The following RAB40C variants were observed in gnomAD, a reference collection of about 807,000 sequenced individuals.
RAB40C encodes RAB40C, member RAS oncogene family, also known as ras-related protein Rab-40C.
A neutral mutation model predicts 28.1 loss-of-function variants in RAB40C; 8 were observed. That is an observed-to-expected ratio of 0.28 (90% CI 0.17 to 0.51). RAB40C has a LOEUF of 0.51. RAB40C is among the 20% of genes least tolerant of loss of function. The pLI, the probability that RAB40C is intolerant of heterozygous loss-of-function variation, is 0.97. For synonymous variants in RAB40C, 201 were observed against 171.7 expected (o/e 1.17, Z -1.34); for missense variants, 288 against 405.9 (o/e 0.71, Z 2.50).
chr16:600,877 C>T (rs1198213059), intron 1 of RAB40C, among the ~76,000 whole-genome samples: 1 of 152,218 alleles, frequency 6.6e-6, no homozygotes, highest in Non-Finnish European at 1.5e-5. Flanking sequence ...GTTTTGACTC[C>T]AGTCTCTGTC....
At chr16:596,813 T>C (rs1312292922) in intron 1 of RAB40C, among the ~76,000 whole-genome samples, 1 of 151,876 alleles carries the variant, frequency 6.6e-6, no homozygotes. Flanking sequence ...CTCTTGGCAG[T>C]GAAGGTAAAC....
At chr16:608,413 A>G (rs1405058132) in intron 1 of RAB40C, among the ~76,000 whole-genome samples, 1 of 152,112 alleles carries the variant, frequency 6.6e-6, no homozygotes, top group Admixed American at 6.5e-5. Flanking sequence ...CTTAGCTCCC[A>G]CCTCGTCCTC....
In RAB40C at chr16:617,252, G is replaced by A. The variant is rs754957777; in HGVS notation, c.187G>A (p.Val63Met). ...CACCATCCTGCTGGACGGCCGGCGC[G>A]TGAAGCTGGAGCTCTGGTGAGTTGG... is the stretch of plus-strand genomic sequence containing the variant. ...TTTILLDGRR[V>M]KLELWDTSGQ... Residue 63 changes from valine to methionine, a missense_variant, in exon 2 of 6, where the codon GTG (valine) becomes ATG (methionine). Val to Met is a conservative substitution (Grantham distance 21). Coordinates refer to ENST00000248139, the MANE Select transcript of RAB40C (RefSeq NM_021168.5). The A allele has an allele frequency of 7.4e-6, 12 of 1,614,036 alleles. No individual in the cohort carries two copies. Among genetic ancestry groups the A allele is most frequent in the Non-Finnish European group, 1.0e-5 (12 of 1,180,016 alleles).
chr16:601,815 TAAAAAAAAAAAAA>T (rs60094426), intron 1 of RAB40C, among the ~76,000 whole-genome samples: 18 of 27,200 alleles, frequency 6.6e-4, no homozygotes, highest in South Asian at 5.0e-3. Flanking sequence ...CAAAAAAAAG[TAAAAAAAAAAAAA>T]AAAAAAAAAA....
At chr16:620,969 T>C (rs1440603494) in intron 3 of RAB40C, among the ~76,000 whole-genome samples, 3 of 152,276 alleles carry the variant, frequency 2.0e-5, no homozygotes, top group Non-Finnish European at 4.4e-5. Context: ...GCTCTGCATT[T>C]GCCAGGCTGA....
intron 5 of RAB40C, 45 bp from the exon 6 acceptor site, chr16:627,297 T>G: frequency 3.2e-6 from 5 of 1,571,516 alleles, no homozygotes; most frequent in Non-Finnish European, 4.3e-6. Context: ...GCACAGGGCC[T>G]CCTCCCCCAC....
Position 629,205 on chromosome 16 carries a change from A to G in RAB40C, c.*1583A>G, listed in dbSNP as rs2036906111. The G allele has an allele frequency of 4.0e-6, 1 of 251,374 alleles. No homozygotes were observed. Among genetic ancestry groups the G allele is most frequent in the Admixed American group, 4.6e-5 (1 of 21,514 alleles). The allele number at this position is 251,374 out of a possible 1,614,324, so 15.6% of individuals were successfully genotyped here. ...AACACTACCCGCGCTGCTGTTAGAC[A>G]CTCCGCCATTCCTGGTTCTCTCCGA... On this transcript the variant is annotated 3_prime_UTR_variant, in exon 6 of 6. Coordinates refer to ENST00000248139, the MANE Select transcript of RAB40C (RefSeq NM_021168.5).
intron 1 of RAB40C, among the ~76,000 whole-genome samples, chr16:597,300 T>C (rs1351009111): frequency 1.3e-5 from 2 of 151,416 alleles, no homozygotes; most frequent in Non-Finnish European, 2.9e-5. Context: ...GATGGCAGAG[T>C]GGAAACAGAA....
chr16:626,361 C>T (rs543756738), intron 5 of RAB40C, among the ~76,000 whole-genome samples: 35 of 152,048 alleles, frequency 2.3e-4, no homozygotes, highest in African/African-American at 8.2e-4. Context: ...CCGCCGTGGC[C>T]GCTGCACTCT....
intron 1 of RAB40C, among the ~76,000 whole-genome samples, chr16:592,679 C>T (rs1048718954): frequency 3.9e-5 from 6 of 152,208 alleles, no homozygotes; most frequent in Non-Finnish European, 7.3e-5. Context: ...AGGAGGCTGG[C>T]GGCGTGCGTG....
chr16:625,824 G>A, intron 4 of RAB40C, 75 bp from the exon 5 acceptor site: 2 of 1,376,428 alleles, frequency 1.5e-6, no homozygotes, highest in Non-Finnish European at 2.0e-6. Flanking sequence ...TCCAGACAAT[G>A]AGGGCGGGCC....
intron 3 of RAB40C, among the ~76,000 whole-genome samples, chr16:622,874 C>T (rs941705276): frequency 3.3e-5 from 5 of 152,206 alleles, no homozygotes; most frequent in African/African-American, 4.8e-5. Flanking sequence ...CTGTTTGTCC[C>T]GTGCTCTGCC....
intron 1 of RAB40C, among the ~76,000 whole-genome samples, chr16:615,709 C>G (rs1045088982): frequency 6.6e-6 from 1 of 152,190 alleles, no homozygotes; most frequent in East Asian, 1.9e-4. Context: ...CACCTGTAAT[C>G]CCAGCACTTT....
At chr16:604,472 C>T (rs934591800) in intron 1 of RAB40C, among the ~76,000 whole-genome samples, 1 of 150,676 alleles carries the variant, frequency 6.6e-6, no homozygotes, top group Non-Finnish European at 1.5e-5. Context: ...GAAGGTGTTT[C>T]TCTAGAATAC....
chr16:613,565 G>C (rs2036527036), intron 1 of RAB40C, among the ~76,000 whole-genome samples: 1 of 152,240 alleles, frequency 6.6e-6, no homozygotes, highest in Admixed American at 6.5e-5. Context: ...TGGTGGCTTG[G>C]ATGGGTTTCT....
In RAB40C at chr16:629,260, G is replaced by T; in HGVS notation, c.*1638G>T. On this transcript the variant is annotated 3_prime_UTR_variant, in exon 6 of 6. Coordinates refer to ENST00000248139, the MANE Select transcript of RAB40C (RefSeq NM_021168.5). ...TTCTTTGTACAGTAAATGTAATTCA[G>T]CTGTGGTCCCCACGTTTTGCTGTGT... 3.2e-6 allele frequency: 1 copy of T among 308,454 alleles called. No homozygotes were observed. 19.1% of individuals were successfully genotyped at this position (308,454 alleles called of 1,614,324 possible). A position where few individuals can be genotyped will look rare whatever the true frequency, so the allele number is the denominator to read the frequency against.
At chr16:606,691 C>G (rs1204746869) in intron 1 of RAB40C, among the ~76,000 whole-genome samples, 1 of 152,240 alleles carries the variant, frequency 6.6e-6, no homozygotes, top group Non-Finnish European at 1.5e-5. Context: ...CCTTTCCCGG[C>G]TTCTCCAGGC....
intron 3 of RAB40C, among the ~76,000 whole-genome samples, chr16:618,720 G>A (rs987654407): frequency 6.6e-6 from 1 of 151,042 alleles, no homozygotes; most frequent in African/African-American, 2.5e-5. Context: ...TCAGGGCCAT[G>A]TGTGTGCAGG....
chr16:592,556 G>A (rs981003030), intron 1 of RAB40C, among the ~76,000 whole-genome samples: 4 of 152,268 alleles, frequency 2.6e-5, no homozygotes, highest in African/African-American at 2.4e-5. Context: ...TCCTGCACTT[G>A]ACAGTGACTG....
Sources: allele counts gnomAD v4.1 joint callset (sites outside exome capture counted in the v4.1 genomes callset), GRCh38; gene constraint gnomAD v4.1.1; transcripts MANE v1.5; gene names NCBI Gene and HGNC (gene_info 2026-07-23, HGNC 2026-07-21).